GRID2: variants seen among roughly 807,000 people sequenced by gnomAD.
GRID2 encodes glutamate ionotropic receptor delta type subunit 2, also known as glutamate receptor ionotropic, delta-2.
In GRID2, 33 loss-of-function variants were observed where a neutral mutation model predicts 114.8. The observed-to-expected ratio is 0.29, with a 90% CI of 0.22 to 0.38. The LOEUF (loss-of-function observed/expected upper bound fraction) is 0.38, where lower values mean the gene tolerates loss of function less well. Ranked by LOEUF, GRID2 falls within the 10% of genes least tolerant of loss-of-function variation. The pLI is 1.00. For missense variants in GRID2, 1,184 were observed against 1,257.7 expected (o/e 0.94, Z 0.89); for synonymous variants, 505 against 449.9 (o/e 1.12, Z -1.55).
intron 4 of GRID2, among the ~76,000 whole-genome samples, chr4:93,144,041 A>C (rs1174953426): frequency 6.6e-6 from 1 of 152,210 alleles, no homozygotes; most frequent in East Asian, 1.9e-4. Flanking sequence ...ATTAGCATGC[A>C]TCTGAATTAC....
At chr4:92,442,701 T>TTAGGGTC (rs1733176992) in intron 1 of GRID2, among the ~76,000 whole-genome samples, 1 of 152,226 alleles carries the variant, frequency 6.6e-6, no homozygotes, top group Non-Finnish European at 1.5e-5. Flanking sequence ...TTTTGACCTT[T>TTAGGGTC]TAGGGTCTAG....
intron 8 of GRID2, among the ~76,000 whole-genome samples, chr4:93,355,051 C>A (rs1045146528): frequency 2.0e-5 from 3 of 151,496 alleles, no homozygotes; most frequent in Non-Finnish European, 4.4e-5. Context: ...CATGTAAAAA[C>A]CTCAATGATT....
chr4:93,185,906 C>A (rs890962716), intron 4 of GRID2, among the ~76,000 whole-genome samples: 3 of 152,122 alleles, frequency 2.0e-5, no homozygotes, highest in Non-Finnish European at 4.4e-5. Flanking sequence ...TGACCCCCAC[C>A]CCATGACAGG....
At chr4:92,833,761 A>G (rs1215192257) in intron 2 of GRID2, 5 of 152,226 alleles carry the variant, frequency 3.3e-5, no homozygotes, top group African/African-American at 4.8e-5. Context: ...GTTAAAAAGA[A>G]TAGTTTTAGG....
intron 2 of GRID2, among the ~76,000 whole-genome samples, chr4:92,659,906 C>A (rs1448469399): frequency 1.3e-5 from 2 of 151,454 alleles, no homozygotes; most frequent in Non-Finnish European, 3.0e-5. Context: ...CCTCGGATAA[C>A]GTGCAATAAA....
intron 1 of GRID2, among the ~76,000 whole-genome samples, chr4:92,518,669 T>TA (rs142829998): frequency 0.011 from 1,655 of 151,914 alleles, 29 homozygotes; most frequent in African/African-American, 0.038. Context: ...ACTGTACATT[T>TA]AAAAGTAGTT....
intron 2 of GRID2, among the ~76,000 whole-genome samples, chr4:93,076,390 T>G (rs2149311753): frequency 6.6e-6 from 1 of 152,266 alleles, no homozygotes; most frequent in Admixed American, 6.5e-5. Context: ...AGAAGTTGTA[T>G]GATGACATTG....
chr4:93,695,838 T>C (rs17021017), intron 14 of GRID2, among the ~76,000 whole-genome samples: 7,091 of 152,304 alleles, frequency 0.047, 267 homozygotes, highest in African/African-American at 0.1. Context: ...GAAAAGACAA[T>C]GCTATCTTCC....
chr4:92,481,996 A>G (rs1722623651), intron 1 of GRID2, among the ~76,000 whole-genome samples: 2 of 52,838 alleles, frequency 3.8e-5, no homozygotes, highest in Admixed American at 3.6e-4. Context: ...ATATATATAT[A>G]TATATATATA....
chr4:92,741,228 C>T (rs1736880358), intron 2 of GRID2, among the ~76,000 whole-genome samples: 1 of 152,090 alleles, frequency 6.6e-6, no homozygotes, highest in Admixed American at 6.6e-5. Context: ...GTGATTATTC[C>T]TATCTCATAG....
intron 14 of GRID2, among the ~76,000 whole-genome samples, chr4:93,714,193 G>A (rs968369982): frequency 6.6e-6 from 1 of 151,964 alleles, no homozygotes; most frequent in African/African-American, 2.4e-5. Context: ...TGTGGTGTTT[G>A]GTTTTCTTTT....
At chr4:92,642,382 C>G (rs1034863027) in intron 2 of GRID2, among the ~76,000 whole-genome samples, 1 of 151,824 alleles carries the variant, frequency 6.6e-6, no homozygotes, top group Non-Finnish European at 1.5e-5. Context: ...TGGCATTTCT[C>G]TAATTCGTGA....
chr4:92,358,558 AG>A (rs1728456952), intron 1 of GRID2, among the ~76,000 whole-genome samples: 1 of 151,946 alleles, frequency 6.6e-6, no homozygotes, highest in African/African-American at 2.4e-5. Context: ...TGGGAACTTA[AG>A]GGAAATATCA....
intron 2 of GRID2, among the ~76,000 whole-genome samples, chr4:93,037,566 GT>G (rs1298730017): frequency 1.3e-5 from 2 of 152,112 alleles, no homozygotes; most frequent in Admixed American, 6.5e-5. Context: ...GGTTTTTAAG[GT>G]TTTAGGTCTT....
chr4:93,064,044 G>A (rs547935205), intron 2 of GRID2, among the ~76,000 whole-genome samples: 15 of 114,902 alleles, frequency 1.3e-4, no homozygotes, highest in South Asian at 1.1e-3. Context: ...AACATATTAC[G>A]CTGTTAATGT....
intron 4 of GRID2, among the ~76,000 whole-genome samples, chr4:93,196,515 C>T (rs1229685251): frequency 6.6e-6 from 1 of 152,012 alleles, no homozygotes; most frequent in African/African-American, 2.4e-5. Context: ...GCAAAATCCC[C>T]ATGTAATACT....
intron 13 of GRID2, among the ~76,000 whole-genome samples, chr4:93,547,871 A>G (rs1180967858): frequency 6.6e-6 from 1 of 152,154 alleles, no homozygotes; most frequent in Non-Finnish European, 1.5e-5. Flanking sequence ...TACAGAGACT[A>G]CTAAATTTAT....
At chr4:92,997,881 A>G (rs1349220899) in intron 2 of GRID2, among the ~76,000 whole-genome samples, 2 of 152,130 alleles carry the variant, frequency 1.3e-5, no homozygotes, top group Admixed American at 6.6e-5. Flanking sequence ...GAAAAAATTA[A>G]AAGAACAGCA....
At chr4:92,696,597 C>T (rs1433604559) in intron 2 of GRID2, among the ~76,000 whole-genome samples, 1 of 151,928 alleles carries the variant, frequency 6.6e-6, no homozygotes, top group Non-Finnish European at 1.5e-5. Context: ...CTAAAGTCAC[C>T]CAAATTTGAG....
Sources: gnomAD v4.1 joint callset for allele counts (sites outside exome capture counted in the v4.1 genomes callset) on GRCh38, gnomAD v4.1.1 for gene constraint, MANE v1.5 for transcripts, NCBI Gene and HGNC (gene_info 2026-07-23, HGNC 2026-07-21) for gene names.